The following MACROD2 variants were observed in gnomAD, a reference collection of about 807,000 sequenced individuals.
The protein encoded by MACROD2 is mono-ADP ribosylhydrolase 2.
In MACROD2, 36 loss-of-function variants were observed where a neutral mutation model predicts 70.4. That is an observed-to-expected ratio of 0.51 (90% CI 0.39 to 0.68). The LOEUF is 0.68. Among genes scored for constraint, MACROD2 ranks in the 30% least tolerant of loss-of-function variants. The pLI is 0.00. For missense variants in MACROD2, 496 were observed against 538.4 expected (o/e 0.92, Z 0.78); for synonymous variants, 172 against 178.8 (o/e 0.96, Z 0.30).
chr20:14,393,599 A>C (rs2083550345), intron 3 of MACROD2, among the ~76,000 whole-genome samples: 1 of 151,254 alleles, frequency 6.6e-6, no homozygotes, highest in African/African-American at 2.4e-5. Context: ...TTTCTTTCCC[A>C]GCTCCTCTCT....
intron 8 of MACROD2, among the ~76,000 whole-genome samples, chr20:15,772,063 C>T (rs1369387744): frequency 1.6e-4 from 19 of 117,912 alleles, no homozygotes; most frequent in Non-Finnish European, 2.1e-4. Context: ...CCAGCCTGAG[C>T]GACAAAGTGA....
chr20:14,513,346 A>G (rs1337009415), intron 4 of MACROD2, among the ~76,000 whole-genome samples: 2 of 152,120 alleles, frequency 1.3e-5, no homozygotes, highest in African/African-American at 4.8e-5. Flanking sequence ...GTCCTAACTG[A>G]TGGGATTTAA....
rs138550308 is a variant in MACROD2 at position 15,236,034 on chromosome 20, A to T, written c.540+5973A>T. Among the ~76,000 whole-genome samples the T allele has an allele frequency of 1.5e-3, 227 of 152,360 alleles. 1 individual carries two copies. The highest frequency in any genetic ancestry group is 4.9e-3 in the African/African-American group (204 of 41,592). On this transcript the variant is annotated intron_variant, in intron 6 of 17. Coordinates refer to ENST00000684519, the MANE Select transcript of MACROD2 (RefSeq NM_001351661.2). ...GTGACTAACAATACTATTAATAAGTAACAAGAACAAAGGCACTTTTGCATT... is the reference window on the plus strand; with the variant it reads ...GTGACTAACAATACTATTAATAAGTTACAAGAACAAAGGCACTTTTGCATT...
At chr20:14,763,894 T>G (rs892085745) in intron 5 of MACROD2, among the ~76,000 whole-genome samples, 1 of 152,068 alleles carries the variant, frequency 6.6e-6, no homozygotes, top group Non-Finnish European at 1.5e-5. Flanking sequence ...AGATTTAGAC[T>G]GTCTTACCCT....
chr20:15,823,698 T>G (rs1265771967), intron 8 of MACROD2, among the ~76,000 whole-genome samples: 1 of 152,222 alleles, frequency 6.6e-6, no homozygotes, highest in East Asian at 1.9e-4. Context: ...GCTTCCATAC[T>G]GGAGGTGGTA....
intron 6 of MACROD2, among the ~76,000 whole-genome samples, chr20:15,411,700 G>A (rs925597227): frequency 4.6e-5 from 7 of 152,198 alleles, no homozygotes; most frequent in African/African-American, 1.2e-4. Flanking sequence ...TTTGGCTACA[G>A]TTGAGTTTTA....
At chr20:14,729,274 A>G (rs1417871505) in intron 5 of MACROD2, among the ~76,000 whole-genome samples, 1 of 152,190 alleles carries the variant, frequency 6.6e-6, no homozygotes, top group Non-Finnish European at 1.5e-5. Context: ...TAAGCATGCT[A>G]CCGTACATAC....
chr20:15,846,608 A>T (rs1405021699), intron 8 of MACROD2, among the ~76,000 whole-genome samples: 1 of 152,132 alleles, frequency 6.6e-6, no homozygotes, highest in Non-Finnish European at 1.5e-5. Flanking sequence ...AAAAGGAAAA[A>T]ACGGTTTTTC....
intron 8 of MACROD2, among the ~76,000 whole-genome samples, chr20:15,627,573 T>C (rs575691007): frequency 6.6e-6 from 1 of 151,942 alleles, no homozygotes; most frequent in East Asian, 1.9e-4. Context: ...GAAATCATAG[T>C]GGGTTGAAGC....
intron 5 of MACROD2, among the ~76,000 whole-genome samples, chr20:14,756,485 T>C (rs949032229): frequency 1.3e-5 from 2 of 152,156 alleles, no homozygotes; most frequent in African/African-American, 4.8e-5. Context: ...ATCCTGATTA[T>C]TAATTATATC....
intron 10 of MACROD2, among the ~76,000 whole-genome samples, chr20:15,905,829 G>T (rs555523129): frequency 2.0e-5 from 3 of 152,148 alleles, no homozygotes; most frequent in Non-Finnish European, 4.4e-5. Flanking sequence ...CTCTCCTAAT[G>T]CCTTGCTCAA....
intron 5 of MACROD2, among the ~76,000 whole-genome samples, chr20:14,978,931 A>G (rs1294046430): frequency 6.9e-6 from 1 of 144,022 alleles, no homozygotes; most frequent in African/African-American, 2.6e-5. Flanking sequence ...ATCATAATAT[A>G]TATCATAATA....
intron 5 of MACROD2, among the ~76,000 whole-genome samples, chr20:14,743,236 C>T (rs559126970): frequency 5.8e-4 from 88 of 152,116 alleles, no homozygotes; most frequent in African/African-American, 2.0e-3. Flanking sequence ...GCTGGTCCTT[C>T]CAAGATGTCC....
chr20:15,818,717 C>T (rs185053525), intron 8 of MACROD2, among the ~76,000 whole-genome samples: 1 of 152,158 alleles, frequency 6.6e-6, no homozygotes, highest in Non-Finnish European at 1.5e-5. Context: ...TGAAGTCACT[C>T]TGGTTGAAAC....
In MACROD2 at chr20:14,285,372, G is replaced by A. The variant is rs573995488; in HGVS notation, c.271+199644G>A. ...TCAGAAAGCAAGGGCGTCAGGCATC[G>A]AATTTTCCACTTGTGATGTCATGTT... is the stretch of plus-strand genomic sequence containing the variant. On this transcript the variant is annotated intron_variant, in intron 3 of 17. Coordinates refer to ENST00000684519, the MANE Select transcript of MACROD2 (RefSeq NM_001351661.2). Among the ~76,000 whole-genome samples, 432 of 152,240 alleles carry A rather than the reference G, an allele frequency of 2.8e-3. 2 individuals carry two copies. Among genetic ancestry groups the A allele is most frequent in the African/African-American group, 9.7e-3 (405 of 41,568 alleles).
At chr20:14,157,247 C>G (rs1418374202) in intron 3 of MACROD2, among the ~76,000 whole-genome samples, 1 of 151,806 alleles carries the variant, frequency 6.6e-6, no homozygotes, top group East Asian at 1.9e-4. Context: ...CTTTTTTTCT[C>G]TTTCATCCTC....
At chr20:15,366,368 T>C (rs1238303891) in intron 6 of MACROD2, among the ~76,000 whole-genome samples, 4 of 152,224 alleles carry the variant, frequency 2.6e-5, no homozygotes, top group African/African-American at 9.6e-5. Flanking sequence ...TTGTGGAGAA[T>C]TAACATTTTG....
chr20:14,240,585 A>G (rs1033488842), intron 3 of MACROD2, among the ~76,000 whole-genome samples: 4 of 152,210 alleles, frequency 2.6e-5, no homozygotes, highest in African/African-American at 9.7e-5. Flanking sequence ...AAAGTAACAT[A>G]GGAACAGAAG....
intron 3 of MACROD2, among the ~76,000 whole-genome samples, chr20:14,394,946 T>A (rs2083566075): frequency 6.6e-6 from 1 of 152,154 alleles, no homozygotes; most frequent in South Asian, 2.1e-4. Flanking sequence ...ATAAACTCTA[T>A]TGTGTCAAAA....
Sources: gnomAD v4.1 joint callset for allele counts (sites outside exome capture counted in the v4.1 genomes callset) on GRCh38, gnomAD v4.1.1 for gene constraint, MANE v1.5 for transcripts, NCBI Gene and HGNC (gene_info 2026-07-23, HGNC 2026-07-21) for gene names.